PDE4C: variants seen among roughly 807,000 people sequenced by gnomAD.
The protein encoded by PDE4C is 3',5'-cyclic-AMP phosphodiesterase 4C.
Under a neutral mutation model 63.9 loss-of-function variants are expected in PDE4C, and 50 were observed. That is an observed-to-expected ratio of 0.78 (90% CI 0.62 to 0.99). The LOEUF (loss-of-function observed/expected upper bound fraction) is 0.99, where lower values mean the gene tolerates loss of function less well. PDE4C is among the 50% of genes least tolerant of loss of function. The pLI is 0.00. For synonymous variants in PDE4C, 377 were observed against 385.1 expected (o/e 0.98, Z 0.25); for missense variants, 777 against 899.1 (o/e 0.86, Z 1.74).
chr19:18,226,356 C>A, exon 1 of PDE4C: 1 of 1,515,032 alleles, frequency 6.6e-7, no homozygotes, highest in Non-Finnish European at 8.8e-7. Context: ...GGGAGCCGCG[C>A]GGGGATCCCC....
chr19:18,230,039 C>T (rs879823197), upstream of PDE4C, among the ~76,000 whole-genome samples: 1 of 152,162 alleles, frequency 6.6e-6, no homozygotes, highest in Non-Finnish European at 1.5e-5. Context: ...TCACCTCCTC[C>T]GAGAAGCCCT....
upstream of PDE4C, chr19:18,226,560 C>G (rs930832337): frequency 3.9e-5 from 16 of 411,998 alleles, no homozygotes; most frequent in African/African-American, 3.4e-4. Flanking sequence ...ACCCCCGGGA[C>G]AAACGGGGAA....
At chr19:18,212,371 C>T (rs924177909) in intron 13 of PDE4C, among the ~76,000 whole-genome samples, 2 of 151,600 alleles carry the variant, frequency 1.3e-5, no homozygotes, top group African/African-American at 2.4e-5. Flanking sequence ...TTTGTAGAGA[C>T]GGGGTGTTGC....
In PDE4C at chr19:18,226,449, G is replaced by T; in HGVS notation, c.-34C>A. ...CTGCGTGGAGGCTGGACCGAGCGCC[G>T]GCTGCGCGGGACCTTTTCTGGACAG... On this transcript the variant is annotated 5_prime_UTR_variant, in exon 1 of 15. Transcript: ENST00000262805. The T allele has an allele frequency of 7.3e-7, 1 of 1,363,188 alleles. No homozygotes were observed. The highest frequency in any genetic ancestry group is 1.7e-5 in the South Asian group (1 of 58,250). The allele number at this position is 1,363,188 out of a possible 1,614,324, so 84.4% of individuals were successfully genotyped here.
chr19:18,222,198 C>T lies in PDE4C; in HGVS notation c.272G>A (p.Arg91His), dbSNP rs775909997. 62 of 1,613,932 alleles carry T rather than the reference C, an allele frequency of 3.8e-5. No homozygotes were observed. The highest frequency in any genetic ancestry group is 8.3e-5 in the Admixed American group (5 of 59,994). ...CGAGAGTTCATAGTCGCTATCTGAGCGGTACAGGAAGGACTCGCGCCGCTG... is the reference window on the plus strand; with the variant it reads ...CGAGAGTTCATAGTCGCTATCTGAGTGGTACAGGAAGGACTCGCGCCGCTG... The change falls in exon 2 of 15, where the codon CGC (arginine) becomes CAC (histidine). Residue 91 changes from arginine to histidine, a missense_variant. Arg to His is a conservative substitution (Grantham distance 29). This residue lies in a region of PDE4C where 249 missense variants were observed against 247.8 expected (regional missense o/e 1.00). Transcript: ENST00000262805.
chr19:18,219,490 C>T, intron 7 of PDE4C, 93 bp from the exon 8 acceptor site: 1 of 1,393,966 alleles, frequency 7.2e-7, no homozygotes, highest in Non-Finnish European at 9.6e-7. Flanking sequence ...CCAGAATCAA[C>T]CTATTTCCCT....
At chr19:18,250,407 G>A (rs960685630), upstream of PDE4C, 8 of 398,962 alleles carry the variant, frequency 2.0e-5, no homozygotes, top group Non-Finnish European at 3.1e-5. Context: ...AGAGACACCA[G>A]CAAACACACG....
upstream of PDE4C, among the ~76,000 whole-genome samples, chr19:18,234,674 GC>G (rs1442437419): frequency 1.3e-5 from 2 of 152,212 alleles, no homozygotes; most frequent in Non-Finnish European, 2.9e-5. Flanking sequence ...TTTGAGAAGA[GC>G]CCCGATGTTT....
chr19:18,214,336 G>T (rs1968098042), intron 12 of PDE4C, among the ~76,000 whole-genome samples: 1 of 152,108 alleles, frequency 6.6e-6, no homozygotes, highest in South Asian at 2.1e-4. Flanking sequence ...ACCCCACAGG[G>T]CTGGTTAGGG....
downstream of PDE4C, chr19:18,208,265 G>A (rs1326441785): frequency 6.6e-6 from 1 of 152,226 alleles, no homozygotes; most frequent in Non-Finnish European, 1.5e-5. Flanking sequence ...CTGTGATGAC[G>A]CCTGTATCTT....
chr19:18,212,670 A>C (rs1968009127), intron 13 of PDE4C, among the ~76,000 whole-genome samples: 1 of 147,886 alleles, frequency 6.8e-6, no homozygotes, highest in Non-Finnish European at 1.5e-5. Flanking sequence ...AACCTGGCTA[A>C]AATTGTTTTT....
At chr19:18,247,083 C>A (rs1969146586) in intron 1 of PDE4C, among the ~76,000 whole-genome samples, 1 of 152,200 alleles carries the variant, frequency 6.6e-6, no homozygotes, top group South Asian at 2.1e-4. Context: ...GAAGTTGTGA[C>A]CTCATGACCC....
exon 4 of PDE4C, chr19:18,221,152 C>T: frequency 6.6e-7 from 1 of 1,518,354 alleles, no homozygotes; most frequent in South Asian, 1.1e-5. Context: ...CCACGTTGCT[C>T]CGAACGGTCC....
chr19:18,214,872 C>T (rs536625242), intron 12 of PDE4C, among the ~76,000 whole-genome samples: 4 of 151,424 alleles, frequency 2.6e-5, no homozygotes, highest in African/African-American at 4.9e-5. Flanking sequence ...TCACTTGAAC[C>T]CAGGAGGTGG....
At chr19:18,211,240 C>T in exon 15 of PDE4C, 2 of 1,604,850 alleles carry the variant, frequency 1.2e-6, no homozygotes, top group Non-Finnish European at 1.7e-6. Context: ...GCCCAAGTCT[C>T]CCACAGTGGG....
chr19:18,254,611 G>T, the PDE4C span, among the ~76,000 whole-genome samples: 1 of 152,274 alleles, frequency 6.6e-6, no homozygotes, highest in Non-Finnish European at 1.5e-5. Context: ...ACCCTTCCCT[G>T]CAATGAGCAT....
Position 18,220,638 on chromosome 19 carries a change from G to C in PDE4C, c.500-123C>G. The C allele has an allele frequency of 1.1e-6, 1 of 898,434 alleles. No homozygotes were observed. Among genetic ancestry groups the C allele is most frequent in the Non-Finnish European group, 1.7e-6 (1 of 585,482 alleles). The allele number at this position is 898,434 out of a possible 1,614,324, so 55.7% of individuals were successfully genotyped here. A position where few individuals can be genotyped will look rare whatever the true frequency, so the allele number is the denominator to read the frequency against. On this transcript the variant is annotated intron_variant, in intron 5 of 14. Transcript: ENST00000262805. The surrounding 1 kb of genome is among the most constrained non-coding windows in gnomAD (Gnocchi z 5.1). The stretch of plus-strand genomic sequence containing the variant: ...CCCACGGGGGCCACCCAGGACTCCT[G>C]GACCCAAGTTCCAGATCTGTTCCCC...
exon 1 of PDE4C, chr19:18,233,007 C>A: frequency 6.5e-7 from 1 of 1,527,730 alleles, no homozygotes; most frequent in Non-Finnish European, 8.8e-7. Context: ...CGGCCGCGGG[C>A]TCAGGTCCCT....
chr19:18,239,258 G>A (rs1969001551), intron 1 of PDE4C, among the ~76,000 whole-genome samples: 1 of 152,204 alleles, frequency 6.6e-6, no homozygotes, highest in South Asian at 2.1e-4. Flanking sequence ...TCAGTGCCGA[G>A]TTCCTTGAAG....
Sources: gnomAD v4.1 joint callset for allele counts (sites outside exome capture counted in the v4.1 genomes callset) on GRCh38, gnomAD v4.1.1 for gene constraint, gnomAD v4.1.1 regional missense constraint, Gnocchi (gnomAD v3.1) non-coding constraint, MANE v1.5 for transcripts, NCBI Gene and HGNC (gene_info 2026-07-23, HGNC 2026-07-21) for gene names.